Variants in CD63 observed in about 807,000 individuals in gnomAD.
CD63 encodes the protein CD63 molecule, also known as CD63 antigen.
In CD63, 16 loss-of-function variants were observed where a neutral mutation model predicts 29.2. The observed-to-expected ratio is 0.55, with a 90% CI of 0.37 to 0.83. The LOEUF is 0.83. Ranked by LOEUF, CD63 falls within the 40% of genes least tolerant of loss-of-function variation. CD63 has a pLI of 0.00. For synonymous variants in CD63, 118 were observed against 111.7 expected (o/e 1.06, Z -0.36); for missense variants, 251 against 297.3 (o/e 0.84, Z 1.15).
In CD63 at chr12:55,725,370, G is replaced by T; in HGVS notation, c.*191C>A. On this transcript the variant is annotated 3_prime_UTR_variant, in exon 8 of 8. Transcript: ENST00000257857. ...CCTTTCCCAAACACCCCCCAAAATA[G>T]ACCTCGAAGTACACATGCATTAAGG... 1 of 604,172 alleles carries T rather than the reference G, an allele frequency of 1.7e-6. No homozygotes were observed. The highest frequency in any genetic ancestry group is 2.9e-6 in the Non-Finnish European group (1 of 340,034). 37.4% of individuals were successfully genotyped at this position (604,172 alleles called of 1,614,324 possible).
rs535152318 is a variant in CD63, at chr12:55,728,145, G to C, written c.66+131C>G. 85 of 919,852 alleles carry C rather than the reference G, an allele frequency of 9.2e-5. No individual in the cohort carries two copies. The highest frequency in any genetic ancestry group is 1.3e-4 in the Non-Finnish European group (78 of 589,634). 57.0% of individuals were successfully genotyped at this position (919,852 alleles called of 1,614,324 possible). On this transcript the variant is annotated intron_variant, in intron 2 of 7. Transcript: ENST00000257857. The surrounding 1 kb of genome is among the most constrained non-coding windows in gnomAD (Gnocchi z 4.8). ...AACTGGAGGAGGGAGTGGCTGCGCT[G>C]TCTTTCCCTGGCTTTCTTTCCACAT...
chr12:55,728,291 G>A lies in CD63; in HGVS notation c.51C>T (p.Leu17=). ...MKCVKFLLYV[L]LLAFCACAVG... Reference sequence around the variant, plus strand: ...CGCCACTCACGCAAAAGGCCAGCAGGAGGACGTAGAGCAAGAACTTCACAC... The same window carrying A: ...CGCCACTCACGCAAAAGGCCAGCAGAAGGACGTAGAGCAAGAACTTCACAC... The change falls in exon 2 of 8, where the codon CTC becomes CTT. Residue 17 remains leucine, a synonymous_variant. Transcript: ENST00000257857. The surrounding 1 kb of genome is among the most constrained non-coding windows in gnomAD (Gnocchi z 4.8). The A allele has an allele frequency of 6.2e-7, 1 of 1,610,756 alleles. No homozygotes were observed. Among genetic ancestry groups the A allele is most frequent in the Non-Finnish European group, 8.5e-7 (1 of 1,178,978 alleles).
chr12:55,727,712 G>A, intron 2 of CD63: 1 of 1,048,830 alleles, frequency 9.5e-7, no homozygotes, highest in African/African-American at 1.7e-5. Flanking sequence ...GCGCGCATCA[G>A]CTGTGACTAA....
downstream of CD63, chr12:55,724,374 C>G (rs1412127657): frequency 1.2e-6 from 2 of 1,614,208 alleles, no homozygotes; most frequent in Non-Finnish European, 8.5e-7. Context: ...CGGACCTAAC[C>G]AAGGTGAGCC....
chr12:55,727,927 G>A, intron 2 of CD63: 1 of 1,170,598 alleles, frequency 8.5e-7, no homozygotes, highest in South Asian at 2.3e-5. Flanking sequence ...GGTTGGGGAG[G>A]GAGAGAGGGG....
At position 55,725,851 on chromosome 12, in the gene CD63, C is replaced by A; in HGVS notation, c.613G>T (p.Val205Leu). The A allele has an allele frequency of 6.2e-7, 1 of 1,614,110 alleles. No homozygotes were observed. The highest frequency in any genetic ancestry group is 2.2e-5 in the East Asian group (1 of 44,886). ...ATTCCAAGGGCTGCTGCAGCTACCACCAGCACATTTTTCCTCAGCCAGCCC... is the reference window on the plus strand; with the variant it reads ...ATTCCAAGGGCTGCTGCAGCTACCAACAGCACATTTTTCCTCAGCCAGCCC... ...IGGWLRKNVL[V>L]VAAAALGIAF... The change falls in exon 7 of 8, where the codon GTG becomes TTG. Residue 205 changes from valine (V) to leucine (L), a missense_variant. Physicochemically the swap from Val to Leu is conservative, Grantham distance 32. Transcript: ENST00000257857.
rs1877660988 is a variant in CD63 at position 55,728,433 on chromosome 12, G to A, written c.-11-81C>T. ...TCCGGGCTCCCGGCCGGCCCTCGAG[G>A]GCTTCCCTTCACGGCCCCGATTCCC... On this transcript the variant is annotated intron_variant, in intron 1 of 7. Transcript: ENST00000257857. The surrounding 1 kb of genome is among the most constrained non-coding windows in gnomAD (Gnocchi z 4.8). The A allele has an allele frequency of 6.5e-7, 1 of 1,538,124 alleles. No individual in the cohort carries two copies. The highest frequency in any genetic ancestry group is 8.8e-7 in the Non-Finnish European group (1 of 1,141,948).
At chr12:55,724,149 C>T (rs1399115297), downstream of CD63, 56 of 1,499,632 alleles carry the variant, frequency 3.7e-5, no homozygotes, top group Non-Finnish European at 4.9e-5. Flanking sequence ...GCACCCAGGG[C>T]AGGGTTGAGG....
At position 55,728,216 on chromosome 12, in the gene CD63, T is replaced by G; in HGVS notation, c.66+60A>C. 1.4e-6 allele frequency: 2 copies of G among 1,435,418 alleles called. No homozygotes were observed. The highest frequency in any genetic ancestry group is 1.9e-6 in the Non-Finnish European group (2 of 1,032,806). The allele number at this position is 1,435,418 out of a possible 1,614,324, so 88.9% of individuals were successfully genotyped here. A position where few individuals can be genotyped will look rare whatever the true frequency, so the allele number is the denominator to read the frequency against. ...TTCTCATTCCCTCAGCCCTCACCACTGTGGAGCCAGGTCTCCCCGCACCCT... is the reference window on the plus strand; with the variant it reads ...TTCTCATTCCCTCAGCCCTCACCACGGTGGAGCCAGGTCTCCCCGCACCCT... On this transcript the variant is annotated intron_variant, in intron 2 of 7. Coordinates refer to ENST00000257857, the MANE Select transcript of CD63 (RefSeq NM_001780.6). The surrounding 1 kb of genome is among the most constrained non-coding windows in gnomAD (Gnocchi z 4.8).
chr12:55,729,219 C>G (rs1318301657), upstream of CD63: 3 of 874,368 alleles, frequency 3.4e-6, no homozygotes, highest in Non-Finnish European at 4.1e-6. Flanking sequence ...CGCCCACCCC[C>G]GCAAAGGGAA....
At chr12:55,723,746 T>C (rs999479897), downstream of CD63, 11 of 947,718 alleles carry the variant, frequency 1.2e-5, no homozygotes, top group Non-Finnish European at 1.5e-5. Flanking sequence ...CACTTGACCC[T>C]TGTCCCGGGG....
At chr12:55,724,383 C>T, downstream of CD63, 1 of 1,614,206 alleles carries the variant, frequency 6.2e-7, no homozygotes, top group Non-Finnish European at 8.5e-7. Flanking sequence ...CCAAGGTGAG[C>T]CGATGCCTGG....
rs140205817 is a variant in CD63 at position 55,726,524 on chromosome 12, T to C, written c.426+176A>G. 2.3e-3 allele frequency among the ~76,000 whole-genome samples: 355 copies of C among 151,992 alleles called. 1 individual carries two copies. The highest frequency in any genetic ancestry group is 7.8e-3 in the African/African-American group (324 of 41,446). Reference sequence around the variant, plus strand: ...CACACCTGGCTAATTTTTGTATTTTTAGTAGAGACAGGGTTTCACCACGTT... The same window carrying C: ...CACACCTGGCTAATTTTTGTATTTTCAGTAGAGACAGGGTTTCACCACGTT... On this transcript the variant is annotated intron_variant, in intron 5 of 7. Coordinates refer to ENST00000257857, the MANE Select transcript of CD63 (RefSeq NM_001780.6).
Position 55,728,488 on chromosome 12 carries a change from G to C in CD63, c.-11-136C>G. On this transcript the variant is annotated intron_variant, in intron 1 of 7. Coordinates refer to ENST00000257857, the MANE Select transcript of CD63 (RefSeq NM_001780.6). The surrounding 1 kb of genome is among the most constrained non-coding windows in gnomAD (Gnocchi z 4.8). The stretch of plus-strand genomic sequence containing the variant: ...CCTCCCACCCGGAAACCCGCGGTCG[G>C]ATCCACGTCTCCCAGCCCCCTCTTT... 12 of 1,486,762 alleles carry C rather than the reference G, an allele frequency of 8.1e-6. No homozygotes were observed. The highest frequency in any genetic ancestry group is 9.8e-6 in the Non-Finnish European group (11 of 1,120,920). 92.1% of individuals were successfully genotyped at this position (1,486,762 alleles called of 1,614,324 possible).
chr12:55,724,290 G>T, downstream of CD63: 5 of 1,611,568 alleles, frequency 3.1e-6, no homozygotes, highest in South Asian at 3.3e-5. Context: ...GTGAGGAAGG[G>T]AAACTGATTG....
At chr12:55,724,300 G>T (rs1260934408), downstream of CD63, 1 of 1,613,608 alleles carries the variant, frequency 6.2e-7, no homozygotes, top group South Asian at 1.1e-5. Flanking sequence ...GAAACTGATT[G>T]CAACCACCTA....
downstream of CD63, chr12:55,724,259 CAG>C: frequency 6.3e-7 from 1 of 1,584,498 alleles, no homozygotes; most frequent in Non-Finnish European, 8.7e-7. Flanking sequence ...CCCCAGAAGA[CAG>C]TACCTAAGAT....
chr12:55,723,806 T>G, downstream of CD63: 3 of 1,546,614 alleles, frequency 1.9e-6, no homozygotes, highest in Non-Finnish European at 2.7e-6. Context: ...GGTAACTTTC[T>G]CAGCTCCCCA....
In CD63 at chr12:55,728,889, G is replaced by C. The variant is rs193257030; in HGVS notation, c.-12+64C>G. Reference sequence around the variant, plus strand: ...CCGCGGGCCTGGGGCGAGCCCTGGAGGAAGGGACTGCGGGTGGTCTCTCCC... The same window carrying C: ...CCGCGGGCCTGGGGCGAGCCCTGGACGAAGGGACTGCGGGTGGTCTCTCCC... On this transcript the variant is annotated intron_variant, in intron 1 of 7. Coordinates refer to ENST00000257857, the MANE Select transcript of CD63 (RefSeq NM_001780.6). This position sits in a 1 kb window ranked among gnomAD's most constrained non-coding sequence, Gnocchi z 4.8. 2,502 of 987,330 alleles carry C rather than the reference G, an allele frequency of 2.5e-3. 46 individuals carry two copies. The African/African-American group carries it at 0.041, about 16-fold the overall frequency. 61.2% of individuals were successfully genotyped at this position (987,330 alleles called of 1,614,324 possible). A position where few individuals can be genotyped will look rare whatever the true frequency, so the allele number is the denominator to read the frequency against.
Sources: allele counts gnomAD v4.1 joint callset (sites outside exome capture counted in the v4.1 genomes callset), GRCh38; gene constraint gnomAD v4.1.1; non-coding constraint Gnocchi (gnomAD v3.1); transcripts MANE v1.5; gene names NCBI Gene and HGNC (gene_info 2026-07-23, HGNC 2026-07-21).